Variants in MNAT1 observed in about 807,000 individuals in gnomAD.
The protein encoded by MNAT1 is CDK-activating kinase assembly factor MAT1.
A neutral mutation model predicts 42.0 loss-of-function variants in MNAT1; 43 were observed. The observed-to-expected ratio is 1.02, with a 90% CI of 0.80 to 1.32. The LOEUF is 1.32. Among genes scored for constraint, MNAT1 ranks in the 40% most tolerant of loss-of-function variants. The probability of loss-of-function intolerance (pLI) is 0.00; values close to 1 mark genes in which losing one functional copy is unlikely to be tolerated. For missense variants in MNAT1, 306 were observed against 350.4 expected, an observed-to-expected ratio of 0.87 and a Z score of 1.01; for synonymous variants, 118 against 120.0, an observed-to-expected ratio of 0.98 and a Z score of 0.11.
In MNAT1 at chr14:60,803,678, G is replaced by A. The variant is rs4151209; in HGVS notation, c.317-4647G>A. Among the ~76,000 whole-genome samples, 168 of 152,274 alleles carry A rather than the reference G, an allele frequency of 1.1e-3. No homozygotes were observed. In the East Asian group the frequency reaches 0.023, roughly 21 times the overall value. ...ATCTTATAGGTAGAAGGGTGCTGTT[G>A]AAGATAAACGTTTAAATCTGGAGTA... On this transcript the variant is annotated intron_variant, in intron 3 of 7. Transcript: ENST00000261245.
intron 7 of MNAT1, among the ~76,000 whole-genome samples, chr14:60,900,889 AGGTGGGAGAATCACCTGAGCCTGG>A (rs1308152536): frequency 6.6e-6 from 1 of 151,768 alleles, no homozygotes; most frequent in Non-Finnish European, 1.5e-5. Context: ...CAGGAGGCTG[AGGTGGGAGAATCACCTGAGCCTGG>A]GGAGGTTGAG....
At chr14:60,945,847 C>T (rs764413642) in intron 7 of MNAT1, among the ~76,000 whole-genome samples, 2 of 152,172 alleles carry the variant, frequency 1.3e-5, no homozygotes, top group Non-Finnish European at 2.9e-5. Context: ...GTGGCTTTCC[C>T]ACATCATCAG....
At chr14:60,815,126 T>C (rs577539689) in intron 5 of MNAT1, among the ~76,000 whole-genome samples, 2 of 152,322 alleles carry the variant, frequency 1.3e-5, no homozygotes, top group East Asian at 3.9e-4. Flanking sequence ...AAATATGCTT[T>C]TAACATTTTA....
chr14:60,774,053 T>C (rs1048704813), intron 1 of MNAT1, among the ~76,000 whole-genome samples: 2 of 152,194 alleles, frequency 1.3e-5, no homozygotes, highest in African/African-American at 4.8e-5. Flanking sequence ...GGGTCATCAA[T>C]TTTAGATTGG....
intron 6 of MNAT1, among the ~76,000 whole-genome samples, chr14:60,860,583 G>A (rs2034073802): frequency 6.6e-6 from 1 of 151,840 alleles, no homozygotes; most frequent in Admixed American, 6.6e-5. Flanking sequence ...TCCATCTCCT[G>A]ACCTCGTGAT....
intron 4 of MNAT1, chr14:60,808,827 C>T (rs1249701531): frequency 1.3e-5 from 2 of 152,406 alleles, no homozygotes; most frequent in Non-Finnish European, 2.9e-5. Context: ...ATGGAGCTAC[C>T]AAGAGGGAGA....
intron 1 of MNAT1, among the ~76,000 whole-genome samples, chr14:60,747,101 T>G (rs979754315): frequency 2.0e-5 from 3 of 149,830 alleles, no homozygotes; most frequent in Non-Finnish European, 4.4e-5. Context: ...TTCTTCTGCC[T>G]CAGCCTCCTG....
At chr14:60,876,407 A>T (rs1311422154) in intron 6 of MNAT1, among the ~76,000 whole-genome samples, 5 of 152,180 alleles carry the variant, frequency 3.3e-5, no homozygotes, top group Non-Finnish European at 5.9e-5. Flanking sequence ...AAACTCATTT[A>T]AAAAAATTGT....
At chr14:60,890,680 A>G (rs2034821061) in intron 7 of MNAT1, among the ~76,000 whole-genome samples, 1 of 152,216 alleles carries the variant, frequency 6.6e-6, no homozygotes, top group East Asian at 1.9e-4. Context: ...AAGAACTTGG[A>G]GTCCAATGTT....
At chr14:60,802,451 C>A (rs1360848234) in intron 3 of MNAT1, among the ~76,000 whole-genome samples, 1 of 151,648 alleles carries the variant, frequency 6.6e-6, no homozygotes, top group Admixed American at 6.6e-5. Flanking sequence ...TAGATATATA[C>A]AATTATTATT....
At chr14:60,940,522 A>T (rs1367625153) in intron 7 of MNAT1, among the ~76,000 whole-genome samples, 1 of 152,160 alleles carries the variant, frequency 6.6e-6, no homozygotes, top group Non-Finnish European at 1.5e-5. Flanking sequence ...GGTTCATGCC[A>T]TTCTTCTGCC....
chr14:60,760,459 A>G (rs2030555035), intron 1 of MNAT1, among the ~76,000 whole-genome samples: 1 of 152,176 alleles, frequency 6.6e-6, no homozygotes, highest in African/African-American at 2.4e-5. Flanking sequence ...GTTACAATTA[A>G]CACCTCACTG....
intron 1 of MNAT1, among the ~76,000 whole-genome samples, chr14:60,742,340 A>C (rs1896497372): frequency 1.3e-5 from 2 of 152,000 alleles, no homozygotes; most frequent in African/African-American, 4.8e-5. Flanking sequence ...TACCCACCTC[A>C]GCCTCCCAAA....
chr14:60,938,622 G>C (rs934342462), intron 7 of MNAT1, among the ~76,000 whole-genome samples: 3 of 152,162 alleles, frequency 2.0e-5, no homozygotes, highest in Non-Finnish European at 4.4e-5. Context: ...TGTGCTGCTG[G>C]ATTTGGTTTG....
At chr14:60,853,530 T>G (rs374119691) in intron 6 of MNAT1, among the ~76,000 whole-genome samples, 2 of 152,142 alleles carry the variant, frequency 1.3e-5, no homozygotes, top group Non-Finnish European at 2.9e-5. Context: ...ATTCAAATAC[T>G]CTTTATTTCT....
chr14:60,882,506 C>G (rs1366053115), intron 7 of MNAT1, among the ~76,000 whole-genome samples: 1 of 152,152 alleles, frequency 6.6e-6, no homozygotes, highest in African/African-American at 2.4e-5. Context: ...AGATTGCTTC[C>G]AAATCTTGGC....
chr14:60,942,494 T>C (rs941707842), intron 7 of MNAT1, among the ~76,000 whole-genome samples: 1 of 151,418 alleles, frequency 6.6e-6, no homozygotes, highest in African/African-American at 2.4e-5. Context: ...TTTAAAATAG[T>C]GATATTCATA....
intron 1 of MNAT1, among the ~76,000 whole-genome samples, chr14:60,746,585 C>G (rs549061882): frequency 6.6e-6 from 1 of 150,576 alleles, no homozygotes; most frequent in Admixed American, 6.6e-5. Context: ...ATTAATAAAA[C>G]TATTCGTATT....
chr14:60,966,583 G>C (rs1302171492), intron 7 of MNAT1, among the ~76,000 whole-genome samples: 2 of 152,222 alleles, frequency 1.3e-5, no homozygotes, highest in Non-Finnish European at 2.9e-5. Flanking sequence ...CGAAATCTCG[G>C]CTCACTGCAA....
Sources: gnomAD v4.1 joint callset for allele counts (sites outside exome capture counted in the v4.1 genomes callset) on GRCh38, gnomAD v4.1.1 for gene constraint, MANE v1.5 for transcripts, NCBI Gene and HGNC (gene_info 2026-07-23, HGNC 2026-07-21) for gene names.